TTC39B: variants seen among roughly 807,000 people sequenced by gnomAD.
The protein encoded by TTC39B is tetratricopeptide repeat protein 39B.
TTC39B carries 92 observed loss-of-function variants against 96.6 expected under a neutral mutation model. The observed-to-expected ratio is 0.95, with a 90% confidence interval of 0.80 to 1.13. The LOEUF (loss-of-function observed/expected upper bound fraction) is 1.13, where lower values mean the gene tolerates loss of function less well. Among genes scored for constraint, TTC39B ranks in the 50% most tolerant of loss-of-function variants. TTC39B has a pLI of 0.00. For missense variants in TTC39B, 955 were observed against 809.3 expected (o/e 1.18, Z -2.18); for synonymous variants, 367 against 299.4 (o/e 1.23, Z -2.33).
chr9:15,282,899 T>A (rs1777430274), intron 1 of TTC39B, among the ~76,000 whole-genome samples: 1 of 152,236 alleles, frequency 6.6e-6, no homozygotes, highest in East Asian at 1.9e-4. Context: ...GAAGCAAATT[T>A]TGTAAATTCA....
intron 7 of TTC39B, among the ~76,000 whole-genome samples, chr9:15,201,703 A>G (rs1819548725): frequency 6.6e-6 from 1 of 152,188 alleles, no homozygotes; most frequent in Non-Finnish European, 1.5e-5. Context: ...ACCTCCAGCC[A>G]TGCTACTCAA....
chr9:15,251,800 C>T (rs1481595412), intron 2 of TTC39B, among the ~76,000 whole-genome samples: 3 of 148,194 alleles, frequency 2.0e-5, no homozygotes, highest in African/African-American at 7.4e-5. Flanking sequence ...TTAAATTACC[C>T]TTTTCACACA....
chr9:15,259,920 T>G (rs918413594), intron 2 of TTC39B, among the ~76,000 whole-genome samples: 3 of 152,148 alleles, frequency 2.0e-5, no homozygotes, highest in African/African-American at 7.2e-5. Context: ...ATTAGATTAG[T>G]GGATGCCCCA....
chr9:15,208,637 A>T (rs1198707275), intron 6 of TTC39B, among the ~76,000 whole-genome samples: 1 of 152,212 alleles, frequency 6.6e-6, no homozygotes, highest in African/African-American at 2.4e-5. Flanking sequence ...AAGAGGATAA[A>T]TACATTCTTA....
chr9:15,275,840 T>A (rs1823522886), intron 1 of TTC39B, among the ~76,000 whole-genome samples: 1 of 152,180 alleles, frequency 6.6e-6, no homozygotes, highest in African/African-American at 2.4e-5. Flanking sequence ...TAGTCCATCT[T>A]CACTCACAGT....
chr9:15,280,839 G>C (rs1251256288), intron 1 of TTC39B, among the ~76,000 whole-genome samples: 1 of 152,114 alleles, frequency 6.6e-6, no homozygotes, highest in African/African-American at 2.4e-5. Context: ...CTTGCAGTGG[G>C]GTTTAGTAGA....
At chr9:15,257,890 T>C (rs1822812638) in intron 2 of TTC39B, among the ~76,000 whole-genome samples, 2 of 151,642 alleles carry the variant, frequency 1.3e-5, no homozygotes. Context: ...AGAAACCCCG[T>C]CTCTACTAAA....
At chr9:15,208,267 C>G (rs550459992) in intron 6 of TTC39B, among the ~76,000 whole-genome samples, 25 of 152,010 alleles carry the variant, frequency 1.6e-4, no homozygotes, top group African/African-American at 6.0e-4. Flanking sequence ...TTGTGATCCA[C>G]CCGCCTCGGC....
At chr9:15,227,173 G>T (rs759777485) in intron 2 of TTC39B, among the ~76,000 whole-genome samples, 30 of 151,998 alleles carry the variant, frequency 2.0e-4, no homozygotes, top group Non-Finnish European at 7.4e-5. Flanking sequence ...CAGGTATCGT[G>T]GCGCATGCCT....
At chr9:15,224,109 T>C (rs1179933223) in intron 3 of TTC39B, among the ~76,000 whole-genome samples, 1 of 152,150 alleles carries the variant, frequency 6.6e-6, no homozygotes, top group Non-Finnish European at 1.5e-5. Flanking sequence ...TCCCACTCCT[T>C]CTATTCACAG....
intron 2 of TTC39B, among the ~76,000 whole-genome samples, chr9:15,252,835 T>C (rs1003979333): frequency 3.3e-5 from 5 of 152,238 alleles, no homozygotes; most frequent in African/African-American, 9.6e-5. Flanking sequence ...TAGTTTTCTG[T>C]AAATCTAAAA....
chr9:15,167,757 A>G (rs1460610940), exon 20 of TTC39B: 1 of 152,212 alleles, frequency 6.6e-6, no homozygotes, highest in Non-Finnish European at 1.5e-5. Context: ...TGTCTCAAAA[A>G]ATATATATAT....
intron 2 of TTC39B, among the ~76,000 whole-genome samples, chr9:15,257,756 C>A (rs1822805753): frequency 6.8e-6 from 1 of 146,138 alleles, no homozygotes; most frequent in Non-Finnish European, 1.5e-5. Flanking sequence ...CGCAAATTAT[C>A]TTATTTTTAA....
At chr9:15,268,084 C>A (rs768934793) in intron 1 of TTC39B, 136 bp from the exon 2 acceptor site, 48 of 629,170 alleles carry the variant, frequency 7.6e-5, no homozygotes, top group Non-Finnish European at 1.2e-4. Context: ...TAGAATCAAT[C>A]AACTTAACGC....
chr9:15,190,313 A>C (rs1417692118), intron 11 of TTC39B, among the ~76,000 whole-genome samples: 1 of 151,984 alleles, frequency 6.6e-6, no homozygotes, highest in East Asian at 1.9e-4. Context: ...ACTCAGATTA[A>C]AAATAATCAA....
Position 15,210,184 on chromosome 9 carries a change from AG to A in TTC39B, c.615-21del, listed in dbSNP as rs777447631. The A allele has an allele frequency of 6.7e-7, 1 of 1,497,672 alleles. No homozygotes were observed. The highest frequency in any genetic ancestry group is 1.4e-5 in the African/African-American group (1 of 70,554). The allele number at this position is 1,497,672 out of a possible 1,614,324, so 92.8% of individuals were successfully genotyped here. On this transcript the variant is annotated intron_variant, in intron 5 of 19. Coordinates refer to ENST00000512701, the Ensembl canonical transcript of TTC39B. ...CTGTATCTACATTGAATAAATAAAA[AG>A]GGAGATAGAAAATAGAAAAAAAAAA...
intron 1 of TTC39B, among the ~76,000 whole-genome samples, chr9:15,296,890 G>A (rs1272365693): frequency 6.6e-6 from 1 of 152,204 alleles, no homozygotes; most frequent in Non-Finnish European, 1.5e-5. Flanking sequence ...GATCATGCGA[G>A]CCAAGAGGAT....
At chr9:15,302,871 A>G (rs1268760579) in intron 1 of TTC39B, among the ~76,000 whole-genome samples, 1 of 150,952 alleles carries the variant, frequency 6.6e-6, no homozygotes. Context: ...AAAATGTTTA[A>G]AAAGCTATGA....
exon 20 of TTC39B, chr9:15,170,377 C>A (rs1817608849): frequency 6.6e-6 from 1 of 152,154 alleles, no homozygotes; most frequent in Admixed American, 6.5e-5. Context: ...AATTTCTACA[C>A]TTCTTTCATT....
Sources: gnomAD v4.1 joint callset for allele counts (sites outside exome capture counted in the v4.1 genomes callset) on GRCh38, gnomAD v4.1.1 for gene constraint, MANE v1.5 for transcripts, NCBI Gene and HGNC (gene_info 2026-07-23, HGNC 2026-07-21) for gene names.